MARCHF1: variants seen among roughly 807,000 people sequenced by gnomAD.
The protein encoded by MARCHF1 is membrane associated ring-CH-type finger 1.
A neutral mutation model predicts 54.2 loss-of-function variants in MARCHF1; 40 were observed. The ratio of observed to expected loss-of-function variants is 0.74; its 90% confidence interval spans 0.57 to 0.96. MARCHF1 has a LOEUF of 0.96. MARCHF1 is among the 40% of genes least tolerant of loss of function. The pLI is 0.00. For synonymous variants in MARCHF1, 236 were observed against 236.3 expected, an observed-to-expected ratio of 1.00 and a Z score of 0.01; for missense variants, 586 against 656.5, an observed-to-expected ratio of 0.89 and a Z score of 1.17.
chr4:163,965,885 G>A (rs557808212), intron 3 of MARCHF1, among the ~76,000 whole-genome samples: 4 of 152,170 alleles, frequency 2.6e-5, no homozygotes, highest in South Asian at 4.1e-4. Context: ...CTAAGAATAG[G>A]TGCATTATCT....
At chr4:164,057,578 C>G (rs1754520314) in intron 2 of MARCHF1, among the ~76,000 whole-genome samples, 1 of 152,034 alleles carries the variant, frequency 6.6e-6, no homozygotes, top group Admixed American at 6.6e-5. Flanking sequence ...GTCTTTCATT[C>G]TTTTTAGAAG....
In MARCHF1 at chr4:164,202,845, C is replaced by A. The variant is rs531417548; in HGVS notation, c.-322-91183G>T. On this transcript the variant is annotated intron_variant, in intron 1 of 9. Transcript: ENST00000514618. ...GAATTTTCTTATCAAACTATAGTAA[C>A]CCCTGTAGTGGGACAATATTTTGAG... Among the ~76,000 whole-genome samples, 4 of 152,256 alleles carry A rather than the reference C, an allele frequency of 2.6e-5. No homozygotes were observed. In the South Asian group the frequency reaches 6.2e-4, roughly 24 times the overall value.
At chr4:163,874,235 A>G (rs1384062546) in intron 3 of MARCHF1, among the ~76,000 whole-genome samples, 1 of 152,198 alleles carries the variant, frequency 6.6e-6, no homozygotes, top group African/African-American at 2.4e-5. Flanking sequence ...AAGTTGTTGG[A>G]TTATTAGAGA....
At chr4:164,145,324 A>C in intron 1 of MARCHF1, among the ~76,000 whole-genome samples, 1 of 152,124 alleles carries the variant, frequency 6.6e-6, no homozygotes, top group Non-Finnish European at 1.5e-5. Context: ...TCATTTTATG[A>C]GGCCAGCATC....
intron 1 of MARCHF1, among the ~76,000 whole-genome samples, chr4:164,363,671 G>A (rs1730791550): frequency 6.6e-6 from 1 of 152,068 alleles, no homozygotes; most frequent in South Asian, 2.1e-4. Flanking sequence ...TGGATCAACT[G>A]GTCCCTTCTG....
At chr4:163,844,331 T>C (rs966810746) in intron 4 of MARCHF1, among the ~76,000 whole-genome samples, 2 of 152,198 alleles carry the variant, frequency 1.3e-5, no homozygotes, top group Non-Finnish European at 2.9e-5. Flanking sequence ...TAGACTTTTG[T>C]TGGATGCATA....
intron 1 of MARCHF1, among the ~76,000 whole-genome samples, chr4:164,310,577 T>C (rs7680598): frequency 0.063 from 8,673 of 137,998 alleles, 944 homozygotes; most frequent in East Asian, 0.26. Flanking sequence ...ATTCTGTCTA[T>C]GAAAATGTGT....
Position 163,973,169 on chromosome 4 carries a change from A to G in MARCHF1, c.-39+15332T>C, listed in dbSNP as rs76155908. Among the ~76,000 whole-genome samples, 529 of 152,386 alleles carry G rather than the reference A, an allele frequency of 3.5e-3. 4 individuals are homozygous for G. The highest frequency in any genetic ancestry group is 0.014 in the Middle Eastern group (4 of 294). Reference sequence around the variant, plus strand: ...ACTCTATAACAGAGGACAGGAGCATATATTTTAAAGACCACTGTAACAGAT... The same window carrying G: ...ACTCTATAACAGAGGACAGGAGCATGTATTTTAAAGACCACTGTAACAGAT... On this transcript the variant is annotated intron_variant, in intron 3 of 9. Coordinates refer to ENST00000514618, the MANE Select transcript of MARCHF1 (RefSeq NM_001394959.1).
chr4:163,850,448 A>G (rs543377097), intron 4 of MARCHF1, among the ~76,000 whole-genome samples: 1 of 152,150 alleles, frequency 6.6e-6, no homozygotes, highest in South Asian at 2.1e-4. Flanking sequence ...CCTTTTTGAC[A>G]TTTTAGCTTT....
At chr4:164,188,650 G>A (rs1164068368) in intron 1 of MARCHF1, 8 of 1,077,192 alleles carry the variant, frequency 7.4e-6, no homozygotes, top group East Asian at 2.4e-5. Flanking sequence ...CCAAGAACAC[G>A]GTCTTTGACG....
intron 1 of MARCHF1, among the ~76,000 whole-genome samples, chr4:164,373,572 C>T (rs1731100589): frequency 6.6e-6 from 1 of 152,030 alleles, no homozygotes; most frequent in Non-Finnish European, 1.5e-5. Context: ...CCAGGCTGGT[C>T]TTGAACTTCT....
At position 164,114,989 on chromosome 4, in the gene MARCHF1, C is replaced by CA. The variant is rs1042709570; in HGVS notation, c.-322-3328dup. Reference sequence around the variant, plus strand: ...TCATCAAATGAAATGTGTTCCCTTACAATCTCAGAAGGTGGACGTATTTTT... The same window carrying CA: ...TCATCAAATGAAATGTGTTCCCTTACAAATCTCAGAAGGTGGACGTATTTTT... On this transcript the variant is annotated intron_variant, in intron 1 of 9. Coordinates refer to ENST00000514618, the MANE Select transcript of MARCHF1 (RefSeq NM_001394959.1). Among the ~76,000 whole-genome samples, 12 of 151,936 alleles carry CA rather than the reference C, an allele frequency of 7.9e-5. 1 individual carries two copies. Among genetic ancestry groups the CA allele is most frequent in the Admixed American group, 7.2e-4 (11 of 15,218 alleles).
At chr4:164,281,284 A>G (rs1406181961) in intron 1 of MARCHF1, among the ~76,000 whole-genome samples, 2 of 152,130 alleles carry the variant, frequency 1.3e-5, no homozygotes, top group African/African-American at 4.8e-5. Context: ...ACTATCAAAC[A>G]CCTCTCTTCT....
At chr4:163,799,156 TACGTTTC>T (rs1397032307) in intron 4 of MARCHF1, among the ~76,000 whole-genome samples, 4 of 152,152 alleles carry the variant, frequency 2.6e-5, no homozygotes, top group Non-Finnish European at 5.9e-5. Flanking sequence ...CTGTACTGGC[TACGTTTC>T]AAGTGTTCAG....
rs544741099 is a variant in MARCHF1 at position 164,107,463 on chromosome 4, C to T, written c.-248+4125G>A. 2.6e-5 allele frequency among the ~76,000 whole-genome samples: 4 copies of T among 152,194 alleles called. No individual in the cohort carries two copies. The South Asian group carries it at 8.3e-4, about 32-fold the overall frequency. On this transcript the variant is annotated intron_variant, in intron 2 of 9. Coordinates refer to ENST00000514618, the MANE Select transcript of MARCHF1 (RefSeq NM_001394959.1). ...GCAAACTCTGCCTCTTGGGCTCAAG[C>T]AGTCCTCTCCCCACTCAGCATCCCA... is the stretch of plus-strand genomic sequence containing the variant.
intron 4 of MARCHF1, among the ~76,000 whole-genome samples, chr4:163,741,414 A>C (rs1315019239): frequency 2.6e-5 from 4 of 151,870 alleles, no homozygotes; most frequent in African/African-American, 9.7e-5. Context: ...ATGAAACCCC[A>C]TCTCTACCAA....
chr4:164,315,232 A>AC (rs1734966283), intron 1 of MARCHF1, among the ~76,000 whole-genome samples: 2 of 38,462 alleles, frequency 5.2e-5, no homozygotes, highest in Admixed American at 7.7e-4. Flanking sequence ...TTAATTTAAC[A>AC]AAAAAAAAAA....
At chr4:164,215,795 T>G (rs1042238265) in intron 1 of MARCHF1, among the ~76,000 whole-genome samples, 1 of 152,218 alleles carries the variant, frequency 6.6e-6, no homozygotes, top group African/African-American at 2.4e-5. Flanking sequence ...TAAAGAACTA[T>G]ATTACATTCC....
chr4:163,935,913 C>A (rs942059680), intron 3 of MARCHF1, among the ~76,000 whole-genome samples: 1 of 152,100 alleles, frequency 6.6e-6, no homozygotes, highest in African/African-American at 2.4e-5. Context: ...TAGCTTTCAG[C>A]CTATGTCAAC....
Sources: allele counts gnomAD v4.1 joint callset (sites outside exome capture counted in the v4.1 genomes callset), GRCh38; gene constraint gnomAD v4.1.1; transcripts MANE v1.5; gene names NCBI Gene and HGNC (gene_info 2026-07-23, HGNC 2026-07-21).